The following FCN1 variants were observed in gnomAD, a reference collection of about 807,000 sequenced individuals.
The protein encoded by FCN1 is ficolin 1, also known as ficolin-1.
Under a neutral mutation model 35.6 loss-of-function variants are expected in FCN1, and 42 were observed. The ratio of observed to expected loss-of-function variants is 1.18; its 90% CI spans 0.92 to 1.53. The LOEUF (loss-of-function observed/expected upper bound fraction) is 1.53, where lower values mean the gene tolerates loss of function less well. FCN1 is among the 40% of genes most tolerant of loss of function. The pLI is 0.00. For synonymous variants in FCN1, 179 were observed against 169.8 expected (o/e 1.05, Z -0.42); for missense variants, 439 against 428.4 (o/e 1.02, Z -0.22).
At position 134,909,677 on chromosome 9, in the gene FCN1, G is replaced by A; in HGVS notation, c.*121C>T. On this transcript the variant is annotated 3_prime_UTR_variant, in exon 9 of 9. Transcript: ENST00000371806. ...GCGGCTTGACTGAGCTGGGGGCAAA[G>A]GGGCAGCTGTGGGCGTCATGGGAGT... 1.9e-6 allele frequency: 3 copies of A among 1,595,648 alleles called. No individual in the cohort carries two copies. Among genetic ancestry groups the A allele is most frequent in the Non-Finnish European group, 1.7e-6 (2 of 1,177,812 alleles).
rs531319672 is a variant in FCN1 at position 134,916,008 on chromosome 9, G to C, written c.217+340C>G. ...ATATGAGGCAGGTGCAGAAGAAAGC[G>C]GTCACCTCAATTTTCAGGTGAGAAG... On this transcript the variant is annotated intron_variant, in intron 2 of 8. Transcript: ENST00000371806. 2.0e-5 allele frequency among the ~76,000 whole-genome samples: 3 copies of C among 152,152 alleles called. No homozygotes were observed. The East Asian group carries it at 5.8e-4, about 29-fold the overall frequency.
rs539339174 is a variant in FCN1, at chr9:134,910,503, C to G, written c.734-458G>C. Among the ~76,000 whole-genome samples, 23 of 152,290 alleles carry G rather than the reference C, an allele frequency of 1.5e-4. 1 individual carries two copies. The highest frequency in any genetic ancestry group is 5.5e-4 in the African/African-American group (23 of 41,568). On this transcript the variant is annotated intron_variant, in intron 8 of 8. Coordinates refer to ENST00000371806, the MANE Select transcript of FCN1 (RefSeq NM_002003.5). ...AGCTGAGAAATGTCACCCCCTGAGCCTCGGTTTTACCACCTGCAAAATGGG... is the reference window on the plus strand; with the variant it reads ...AGCTGAGAAATGTCACCCCCTGAGCGTCGGTTTTACCACCTGCAAAATGGG...
chr9:134,911,073 G>A, intron 8 of FCN1, 60 bp downstream of exon 8: 1 of 1,587,314 alleles, frequency 6.3e-7, no homozygotes, highest in Non-Finnish European at 8.6e-7. Flanking sequence ...GGGAGACAGA[G>A]CCAGGTTCTC....
chr9:134,909,693 T>A lies in FCN1; in HGVS notation c.*105A>T. 1 of 1,595,430 alleles carries A rather than the reference T, an allele frequency of 6.3e-7. No individual in the cohort carries two copies. The highest frequency in any genetic ancestry group is 8.5e-7 in the Non-Finnish European group (1 of 1,177,412). ...GGGGGCAAAGGGGCAGCTGTGGGCG[T>A]CATGGGAGTGTGTCTGGCTGGGGAA... is the stretch of plus-strand genomic sequence containing the variant. On this transcript the variant is annotated 3_prime_UTR_variant, in exon 9 of 9. Coordinates refer to ENST00000371806, the MANE Select transcript of FCN1 (RefSeq NM_002003.5).
chr9:134,916,322 G>A (rs1366099637), intron 2 of FCN1, 26 bp downstream of exon 2: 2 of 1,554,896 alleles, frequency 1.3e-6, no homozygotes, highest in African/African-American at 1.4e-5. Flanking sequence ...TGCCATGCCT[G>A]GCCTCCCCAC....
chr9:134,915,844 C>A (rs1564220845), intron 2 of FCN1, among the ~76,000 whole-genome samples: 1 of 152,212 alleles, frequency 6.6e-6, no homozygotes, highest in African/African-American at 2.4e-5. Flanking sequence ...ATGTTCCCTG[C>A]AAATCCACAT....
intron 2 of FCN1, among the ~76,000 whole-genome samples, chr9:134,915,533 A>G (rs980327816): frequency 1.3e-5 from 2 of 152,096 alleles, no homozygotes; most frequent in South Asian, 4.1e-4. Flanking sequence ...TCAGCAGGGG[A>G]TCGGGACCGC....
Position 134,909,840 on chromosome 9 carries a change from T to C in FCN1, c.939A>G (p.Lys313=). 6.2e-7 allele frequency: 1 copy of C among 1,614,070 alleles called. No homozygotes were observed. Among genetic ancestry groups the C allele is most frequent in the Non-Finnish European group, 8.5e-7 (1 of 1,180,004 alleles). The part of the protein sequence containing the change: ...GINWSAAKGY[K]YSYKVSEMKV... ...TCATCTCTGACACCTTGTAGCTATA[T>C]TTGTACCCCTTCGCCGCACTCCAGT... Residue 313 remains lysine, a synonymous_variant, in exon 9 of 9, where the codon AAA becomes AAG. Transcript: ENST00000371806.
At position 134,917,756 on chromosome 9, in the gene FCN1, A is replaced by G. The variant is rs56330318; in HGVS notation, c.103+13T>C. 1.3e-3 allele frequency: 2,030 copies of G among 1,593,108 alleles called. 32 individuals carry two copies. The South Asian group carries it at 0.018, about 14-fold the overall frequency. ...CCAGCTTTTAGGGACCAGAAAACCC[A>G]GGTCTGTCTCACCTGGACATGTGTC... On this transcript the variant is annotated intron_variant, in intron 1 of 8. Coordinates refer to ENST00000371806, the MANE Select transcript of FCN1 (RefSeq NM_002003.5).
chr9:134,913,728 T>C, intron 4 of FCN1, 115 bp from the exon 5 acceptor site: 1 of 730,730 alleles, frequency 1.4e-6, no homozygotes. Flanking sequence ...GCTCCTCTGA[T>C]GTCTCCAGGA....
At chr9:134,911,582 C>T (rs1434803286) in intron 7 of FCN1, among the ~76,000 whole-genome samples, 2 of 150,948 alleles carry the variant, frequency 1.3e-5, no homozygotes, top group African/African-American at 4.9e-5. Flanking sequence ...TCGATCTCTT[C>T]ACCTCATGAT....
In FCN1 at chr9:134,903,792, T is replaced by C. The variant is rs1175959942; in HGVS notation, c.*6006A>G. Among the ~76,000 whole-genome samples the C allele has an allele frequency of 6.6e-6, 1 of 152,102 alleles. No homozygotes were observed. Among genetic ancestry groups the C allele is most frequent in the East Asian group, 1.9e-4 (1 of 5,192 alleles). On this transcript the variant is annotated 3_prime_UTR_variant, in exon 9 of 9. Coordinates refer to ENST00000371806, the MANE Select transcript of FCN1 (RefSeq NM_002003.5). ...CTGGTGTGTTGAAGAAAATGGAAGA[T>C]GGTGAAAAAAATAGGTGAAAAAGTG...
chr9:134,908,686 GA>G lies in FCN1; in HGVS notation c.*1111del. ...TGAATGCCAGTGACCCCTGGGGCTG[GA>G]AAAGGCAAGGAAGCAGGTTCTCCCC... On this transcript the variant is annotated 3_prime_UTR_variant, in exon 9 of 9. Coordinates refer to ENST00000371806, the MANE Select transcript of FCN1 (RefSeq NM_002003.5). The G allele has an allele frequency of 6.5e-6, 1 of 154,702 alleles. No homozygotes were observed. Among genetic ancestry groups the G allele is most frequent in the Non-Finnish European group, 1.4e-5 (1 of 69,828 alleles). 9.6% of individuals were successfully genotyped at this position (154,702 alleles called of 1,614,324 possible).
At chr9:134,915,112 G>C (rs1178357479) in intron 2 of FCN1, among the ~76,000 whole-genome samples, 1 of 152,200 alleles carries the variant, frequency 6.6e-6, no homozygotes, top group Non-Finnish European at 1.5e-5. Flanking sequence ...CTGGACCCAA[G>C]TCACCCACAC....
intron 2 of FCN1, among the ~76,000 whole-genome samples, 198 bp from the exon 3 acceptor site, chr9:134,915,007 G>C (rs561480780): frequency 6.6e-6 from 1 of 152,044 alleles, no homozygotes; most frequent in East Asian, 1.9e-4. Context: ...TTGAGGGAGG[G>C]GCCTGCACCC....
At chr9:134,911,743 C>A (rs1288517184) in intron 7 of FCN1, among the ~76,000 whole-genome samples, 1 of 152,154 alleles carries the variant, frequency 6.6e-6, no homozygotes, top group Non-Finnish European at 1.5e-5. Flanking sequence ...TGCTATCAGG[C>A]CCTCAGGGAT....
intron 1 of FCN1, among the ~76,000 whole-genome samples, chr9:134,917,406 G>A (rs1438847254): frequency 1.3e-5 from 2 of 152,118 alleles, no homozygotes; most frequent in Admixed American, 6.5e-5. Flanking sequence ...CCCCAAGTCC[G>A]TGTGGCAGCC....
chr9:134,909,692 G>A lies in FCN1; in HGVS notation c.*106C>T, dbSNP rs189788577. 763 of 1,595,364 alleles carry A rather than the reference G, an allele frequency of 4.8e-4. No individual in the cohort carries two copies. The highest frequency in any genetic ancestry group is 5.7e-4 in the Non-Finnish European group (673 of 1,177,322). ...TGGGGGCAAAGGGGCAGCTGTGGGC[G>A]TCATGGGAGTGTGTCTGGCTGGGGA... is the stretch of plus-strand genomic sequence containing the variant. On this transcript the variant is annotated 3_prime_UTR_variant, in exon 9 of 9. Transcript: ENST00000371806.
At chr9:134,915,328 G>C (rs374744450) in intron 2 of FCN1, among the ~76,000 whole-genome samples, 1 of 152,140 alleles carries the variant, frequency 6.6e-6, no homozygotes, top group Non-Finnish European at 1.5e-5. Flanking sequence ...TGACCCTCCC[G>C]TCCCCGATGC....
Sources: allele counts gnomAD v4.1 joint callset (sites outside exome capture counted in the v4.1 genomes callset), GRCh38; gene constraint gnomAD v4.1.1; transcripts MANE v1.5; gene names NCBI Gene and HGNC (gene_info 2026-07-23, HGNC 2026-07-21).